The following SLC4A7 variants were observed in gnomAD, a reference collection of about 807,000 sequenced individuals.
SLC4A7 encodes the protein solute carrier family 4 member 7.
A neutral mutation model predicts 137.6 loss-of-function variants in SLC4A7; 51 were observed. The observed-to-expected ratio is 0.37, with a 90% CI of 0.30 to 0.47. The LOEUF is 0.47. Ranked by LOEUF, SLC4A7 falls within the 20% of genes least tolerant of loss-of-function variation. The pLI is 1.00. For missense variants in SLC4A7, 1,247 were observed against 1,525.4 expected (o/e 0.82, Z 3.04); for synonymous variants, 542 against 518.6 (o/e 1.05, Z -0.61).
chr3:27,422,560 T>C (rs1230018109), intron 8 of SLC4A7, among the ~76,000 whole-genome samples: 2 of 152,192 alleles, frequency 1.3e-5, no homozygotes, highest in East Asian at 3.8e-4. Flanking sequence ...TGAATTACTA[T>C]GCCTGGCCCC....
chr3:27,390,407 G>T (rs13068734), intron 21 of SLC4A7: 19,594 of 217,454 alleles, frequency 0.09, 1,110 homozygotes, highest in Non-Finnish European at 0.12. Flanking sequence ...TGCTATAATT[G>T]AATGCACAAG....
At chr3:27,389,342 A>C (rs2051296227) in intron 22 of SLC4A7, among the ~76,000 whole-genome samples, 1 of 152,084 alleles carries the variant, frequency 6.6e-6, no homozygotes, top group Admixed American at 6.5e-5. Flanking sequence ...ATTTATTTCT[A>C]ATTTAACTGT....
At chr3:27,467,283 T>A (rs1333803746) in intron 1 of SLC4A7, among the ~76,000 whole-genome samples, 1 of 152,188 alleles carries the variant, frequency 6.6e-6, no homozygotes, top group African/African-American at 2.4e-5. Context: ...AAAGAGCTCA[T>A]GTTCATTCCA....
intron 16 of SLC4A7, 87 bp downstream of exon 16, chr3:27,400,677 C>T (rs2052657693): frequency 2.7e-6 from 2 of 742,962 alleles, no homozygotes; most frequent in Admixed American, 5.0e-5. Flanking sequence ...ATCCATCAAT[C>T]AAGAGAAAAT....
chr3:27,411,775 C>A, intron 11 of SLC4A7, 27 bp from the exon 12 acceptor site: 2 of 1,330,702 alleles, frequency 1.5e-6, no homozygotes, highest in South Asian at 1.5e-5. Flanking sequence ...ACATTATTTT[C>A]AGAATTCTAT....
chr3:27,470,977 C>A (rs1326918630), intron 1 of SLC4A7, among the ~76,000 whole-genome samples: 1 of 152,006 alleles, frequency 6.6e-6, no homozygotes, highest in Non-Finnish European at 1.5e-5. Context: ...AACAAAACAG[C>A]AAACCCTGGA....
chr3:27,414,741 C>T lies in SLC4A7; in HGVS notation c.1660-2993G>A, dbSNP rs548130413. ...CCTCATCACCAGTACCGGTTAAGCA[C>T]TCATCTCCATCAAGTTGTGTTCTGT... On this transcript the variant is annotated intron_variant, in intron 11 of 25. Coordinates refer to ENST00000454389, the MANE Select transcript of SLC4A7 (RefSeq NM_001321103.2). Among the ~76,000 whole-genome samples, 6 of 152,296 alleles carry T rather than the reference C, an allele frequency of 3.9e-5. No homozygotes were observed. In the South Asian group the frequency reaches 1.2e-3, roughly 32 times the overall value.
At chr3:27,381,962 G>T (rs564604729) in intron 24 of SLC4A7, among the ~76,000 whole-genome samples, 1 of 152,108 alleles carries the variant, frequency 6.6e-6, no homozygotes, top group Non-Finnish European at 1.5e-5. Flanking sequence ...GGTGGCAGGC[G>T]CCTGTAATCC....
intron 1 of SLC4A7, among the ~76,000 whole-genome samples, chr3:27,461,235 C>CAA (rs769874655): frequency 1.6e-4 from 22 of 138,372 alleles, no homozygotes; most frequent in African/African-American, 5.7e-4. Context: ...CACACACACA[C>CAA]AAAACACATT....
chr3:27,377,023 ATTG>A (rs1553666502), intron 25 of SLC4A7, among the ~76,000 whole-genome samples, 178 bp from the exon 26 acceptor site: 2 of 152,154 alleles, frequency 1.3e-5, no homozygotes, highest in Non-Finnish European at 2.9e-5. Context: ...AATATTAAAA[ATTG>A]TTTTTTAAAA....
intron 25 of SLC4A7, among the ~76,000 whole-genome samples, chr3:27,377,997 T>C (rs551604327): frequency 6.6e-6 from 1 of 152,242 alleles, no homozygotes; most frequent in Non-Finnish European, 1.5e-5. Context: ...CCTTTATTTT[T>C]TATGATAATT....
At chr3:27,394,307 C>A (rs551019844) in intron 20 of SLC4A7, among the ~76,000 whole-genome samples, 112 of 152,302 alleles carry the variant, frequency 7.4e-4, no homozygotes, top group African/African-American at 2.6e-3. Flanking sequence ...GCGTAAGCCA[C>A]TACACCTGGT....
chr3:27,427,539 CTTT>C (rs996910993), intron 7 of SLC4A7, among the ~76,000 whole-genome samples: 1 of 152,000 alleles, frequency 6.6e-6, no homozygotes, highest in Non-Finnish European at 1.5e-5. Context: ...GGAAATACCA[CTTT>C]TTTATTATAG....
intron 24 of SLC4A7, among the ~76,000 whole-genome samples, chr3:27,380,040 G>A (rs937493267): frequency 6.6e-6 from 1 of 152,194 alleles, no homozygotes; most frequent in African/African-American, 2.4e-5. Flanking sequence ...CGGGCATGGT[G>A]GCTCACGCCT....
At chr3:27,480,064 C>T (rs186428349) in intron 1 of SLC4A7, among the ~76,000 whole-genome samples, 3 of 152,320 alleles carry the variant, frequency 2.0e-5, no homozygotes, top group Admixed American at 1.3e-4. Context: ...TAAAATAATA[C>T]ACCAGGTTCC....
intron 11 of SLC4A7, among the ~76,000 whole-genome samples, chr3:27,412,329 G>T (rs2053979745): frequency 6.6e-6 from 1 of 152,114 alleles, no homozygotes; most frequent in South Asian, 2.1e-4. Flanking sequence ...CTTTTAACTT[G>T]TTACATCAAG....
chr3:27,458,889 C>G (rs2058549474), intron 1 of SLC4A7, among the ~76,000 whole-genome samples: 1 of 152,178 alleles, frequency 6.6e-6, no homozygotes, highest in East Asian at 1.9e-4. Flanking sequence ...ACTCTGGAGG[C>G]TGAGGAAAGA....
intron 18 of SLC4A7, among the ~76,000 whole-genome samples, chr3:27,395,762 G>A (rs1400974656): frequency 6.6e-6 from 1 of 152,192 alleles, no homozygotes; most frequent in Non-Finnish European, 1.5e-5. Flanking sequence ...AGTTTGTTAT[G>A]TAGAAATTGA....
At chr3:27,437,078 C>T (rs59620170) in intron 4 of SLC4A7, among the ~76,000 whole-genome samples, 4,838 of 152,166 alleles carry the variant, frequency 0.032, 263 homozygotes, top group African/African-American at 0.11. Context: ...AGGCCGGGAA[C>T]GGTGGCTAAC....
Sources: allele counts gnomAD v4.1 joint callset (sites outside exome capture counted in the v4.1 genomes callset), GRCh38; gene constraint gnomAD v4.1.1; transcripts MANE v1.5; gene names NCBI Gene and HGNC (gene_info 2026-07-23, HGNC 2026-07-21).